The following COL4A2 variants were observed in gnomAD, a reference collection of about 807,000 sequenced individuals.
COL4A2 encodes collagen alpha-2(IV) chain.
Under a neutral mutation model 200.2 loss-of-function variants are expected in COL4A2, and 99 were observed. The ratio of observed to expected loss-of-function variants is 0.49; its 90% CI spans 0.42 to 0.58. COL4A2 has a LOEUF of 0.58. COL4A2 is among the 20% of genes least tolerant of loss of function. The pLI is 0.00. For missense variants in COL4A2, 1,950 were observed against 2,314.1 expected, an observed-to-expected ratio of 0.84 and a Z score of 3.23; for synonymous variants, 897 against 900.6, an observed-to-expected ratio of 1.00 and a Z score of 0.07.
At chr13:110,464,055 ATGTGTGG>A (rs920461619) in intron 24 of COL4A2, among the ~76,000 whole-genome samples, 1 of 151,956 alleles carries the variant, frequency 6.6e-6, no homozygotes, top group Non-Finnish European at 1.5e-5. Flanking sequence ...TGGTGAGTGT[ATGTGTGG>A]TGTGTGGTGT....
chr13:110,491,715 T>C (rs1883290687), intron 37 of COL4A2, among the ~76,000 whole-genome samples: 1 of 152,196 alleles, frequency 6.6e-6, no homozygotes, highest in Non-Finnish European at 1.5e-5. Context: ...TCCCACGCTG[T>C]TGCTGCTGCT....
chr13:110,417,781 C>T (rs770090179), intron 4 of COL4A2, among the ~76,000 whole-genome samples: 15 of 152,130 alleles, frequency 9.9e-5, no homozygotes, highest in Admixed American at 6.5e-5. Flanking sequence ...TCAACTGCTG[C>T]ACACATCGGG....
rs117312511 is a variant in COL4A2 at position 110,394,722 on chromosome 13, G to T, written c.181-30012G>T. ...GCTGGAGAGGTGGGCTCCTCCGCGG[G>T]TGGGCCGATGAATTACTTGCCTTTG... On this transcript the variant is annotated intron_variant, in intron 4 of 47. Transcript: ENST00000360467. Among the ~76,000 whole-genome samples, 1,457 of 152,278 alleles carry T rather than the reference G, an allele frequency of 9.6e-3. 13 individuals are homozygous for T. The highest frequency in any genetic ancestry group is 0.015 in the Non-Finnish European group (1,006 of 68,022).
At position 110,492,117 on chromosome 13, in the gene COL4A2, C is replaced by T. The variant is rs375813265; in HGVS notation, c.3502C>T (p.Arg1168Trp). 4.9e-5 allele frequency: 76 copies of T among 1,553,260 alleles called. No individual in the cohort carries two copies. The highest frequency in any genetic ancestry group is 1.4e-4 in the South Asian group (12 of 84,134). Reference protein sequence around the residue: ...GPPGSQGELGRIGLPGGKGDD... With the variant: ...GPPGSQGELGWIGLPGGKGDD... ...TCCAGGGTCGCAGGGAGAGCTGGGGCGGATTGGACTGCCTGGTGGCAAAGG... is the reference window on the plus strand; with the variant it reads ...TCCAGGGTCGCAGGGAGAGCTGGGGTGGATTGGACTGCCTGGTGGCAAAGG... The change falls in exon 38 of 48, where the codon CGG becomes TGG. Residue 1168 changes from arginine to tryptophan, a missense_variant. Physicochemically the swap from Arg to Trp is moderately radical, Grantham distance 101. Transcript: ENST00000360467.
At chr13:110,392,448 C>T (rs767851138) in intron 4 of COL4A2, among the ~76,000 whole-genome samples, 1 of 152,138 alleles carries the variant, frequency 6.6e-6, no homozygotes, top group Non-Finnish European at 1.5e-5. Context: ...GGAGCTGGGA[C>T]CCTCGAGGGC....
intron 38 of COL4A2, 59 bp downstream of exon 38, chr13:110,492,236 CA>C: frequency 1.4e-6 from 2 of 1,433,840 alleles, no homozygotes; most frequent in Non-Finnish European, 1.9e-6. Flanking sequence ...GTGCAGGAGG[CA>C]CCGCTGAGCA....
intron 39 of COL4A2, among the ~76,000 whole-genome samples, chr13:110,493,982 A>G (rs1459909295): frequency 1.3e-5 from 2 of 152,166 alleles, no homozygotes; most frequent in East Asian, 3.8e-4. Context: ...AAATGCCATC[A>G]CACTGGAGTT....
intron 4 of COL4A2, among the ~76,000 whole-genome samples, chr13:110,410,424 A>T (rs948965120): frequency 1.1e-4 from 16 of 152,076 alleles, no homozygotes; most frequent in African/African-American, 3.4e-4. Context: ...TCACTGTGAG[A>T]CTCATTCTGT....
intron 4 of COL4A2, among the ~76,000 whole-genome samples, chr13:110,380,811 T>C (rs1408127897): frequency 7.1e-6 from 1 of 141,598 alleles, no homozygotes; most frequent in Non-Finnish European, 1.5e-5. Context: ...CCATGGGCTC[T>C]AACTCACACC....
At chr13:110,367,395 T>C (rs1055309958) in intron 4 of COL4A2, among the ~76,000 whole-genome samples, 2 of 152,272 alleles carry the variant, frequency 1.3e-5, no homozygotes, top group African/African-American at 2.4e-5. Flanking sequence ...TTCTTCCCTC[T>C]TAAAGTCTGT....
chr13:110,330,959 C>A (rs1411197002), intron 3 of COL4A2, among the ~76,000 whole-genome samples: 2 of 152,108 alleles, frequency 1.3e-5, no homozygotes, highest in Non-Finnish European at 2.9e-5. Context: ...CTTCCATCTA[C>A]CCGATCTCGC....
At chr13:110,506,714 C>A (rs192730504) in intron 46 of COL4A2, 108 bp downstream of exon 46, 15 of 1,169,788 alleles carry the variant, frequency 1.3e-5, no homozygotes, top group Middle Eastern at 5.8e-4. Context: ...CTGGTAAGTT[C>A]CCCTGACGGA....
chr13:110,430,617 T>C lies in COL4A2; in HGVS notation c.648+10T>C. 6.2e-7 allele frequency: 1 copy of C among 1,614,168 alleles called. No homozygotes were observed. Among genetic ancestry groups the C allele is most frequent in the Non-Finnish European group, 8.5e-7 (1 of 1,179,988 alleles). On this transcript the variant is annotated intron_variant, in intron 10 of 47. Transcript: ENST00000360467. Reference sequence around the variant, plus strand: ...AGCTCCAGGGAGACCAGTAAGTACCTGGACACAGGTGCCCACTCTGGGACC... The same window carrying C: ...AGCTCCAGGGAGACCAGTAAGTACCCGGACACAGGTGCCCACTCTGGGACC...
At chr13:110,461,966 C>CATCGCA (rs1882043193) in intron 22 of COL4A2, 148 bp from the exon 23 acceptor site, 10 of 1,155,354 alleles carry the variant, frequency 8.7e-6, no homozygotes, top group Non-Finnish European at 1.2e-5. Context: ...GCGTATCCAG[C>CATCGCA]ATCGCAGAAA....
intron 8 of COL4A2, 82 bp from the exon 9 acceptor site, chr13:110,430,319 A>G: frequency 6.4e-7 from 1 of 1,568,414 alleles, no homozygotes; most frequent in Non-Finnish European, 8.6e-7. Flanking sequence ...TGATATGCTT[A>G]TTTCCAACTC....
At chr13:110,352,322 C>G (rs1876998663) in intron 3 of COL4A2, among the ~76,000 whole-genome samples, 1 of 152,354 alleles carries the variant, frequency 6.6e-6, no homozygotes, top group Admixed American at 6.5e-5. Flanking sequence ...CAGGATAATG[C>G]AATACTTAAG....
At chr13:110,378,665 C>G (rs1566501188) in intron 4 of COL4A2, among the ~76,000 whole-genome samples, 1 of 152,204 alleles carries the variant, frequency 6.6e-6, no homozygotes, top group Non-Finnish European at 1.5e-5. Flanking sequence ...AGCAAATGCC[C>G]TCTGCATGAA....
chr13:110,333,500 A>T (rs1166992521), intron 3 of COL4A2, among the ~76,000 whole-genome samples: 1 of 151,974 alleles, frequency 6.6e-6, no homozygotes, highest in African/African-American at 2.4e-5. Flanking sequence ...TTCCTCACTG[A>T]TCTCTTCTTT....
chr13:110,398,288 C>T lies in COL4A2; in HGVS notation c.181-26446C>T, dbSNP rs528316938. Among the ~76,000 whole-genome samples, 12 of 152,118 alleles carry T rather than the reference C, an allele frequency of 7.9e-5. 1 individual carries two copies. The highest frequency in any genetic ancestry group is 2.9e-4 in the African/African-American group (12 of 41,492). On this transcript the variant is annotated intron_variant, in intron 4 of 47. Transcript: ENST00000360467. The stretch of plus-strand genomic sequence containing the variant: ...GTTTATTATGAGGAAAACTCAACTG[C>T]CTATAGAAATGACAACGGTAAATGT...
Sources: allele counts gnomAD v4.1 joint callset (sites outside exome capture counted in the v4.1 genomes callset), GRCh38; gene constraint gnomAD v4.1.1; transcripts MANE v1.5; gene names NCBI Gene and HGNC (gene_info 2026-07-23, HGNC 2026-07-21).